Variants in EXOC6B observed in about 807,000 individuals in gnomAD.
EXOC6B encodes exocyst complex component 6B.
Under a neutral mutation model 113.5 loss-of-function variants are expected in EXOC6B, and 54 were observed. The ratio of observed to expected loss-of-function variants is 0.48; its 90% CI spans 0.38 to 0.60. The LOEUF (loss-of-function observed/expected upper bound fraction) is 0.60. EXOC6B is among the 20% of genes least tolerant of loss of function. The pLI is 0.00. For missense variants in EXOC6B, 797 were observed against 977.5 expected (o/e 0.82, Z 2.46); for synonymous variants, 357 against 339.0 (o/e 1.05, Z -0.58).
At chr2:72,533,099 GC>G (rs1702101879) in intron 8 of EXOC6B, among the ~76,000 whole-genome samples, 1 of 152,132 alleles carries the variant, frequency 6.6e-6, no homozygotes, top group African/African-American at 2.4e-5. Context: ...GGAAATTTTT[GC>G]TCTTTTCTGA....
chr2:72,818,010 C>T (rs982145116), intron 1 of EXOC6B, among the ~76,000 whole-genome samples: 20 of 152,090 alleles, frequency 1.3e-4, no homozygotes, highest in African/African-American at 4.8e-4. Context: ...CTCGCTCTGT[C>T]GCCCAGGCTG....
At chr2:72,450,038 A>G (rs772314182) in intron 18 of EXOC6B, among the ~76,000 whole-genome samples, 2 of 152,230 alleles carry the variant, frequency 1.3e-5, no homozygotes, top group Non-Finnish European at 2.9e-5. Context: ...CAGCAAATTA[A>G]TAAGGGTCAG....
intron 6 of EXOC6B, among the ~76,000 whole-genome samples, chr2:72,596,094 G>T (rs1670064862): frequency 6.6e-6 from 1 of 152,158 alleles, no homozygotes; most frequent in East Asian, 1.9e-4. Context: ...CAGGAAGAAT[G>T]AGTTCTAAAA....
intron 20 of EXOC6B, among the ~76,000 whole-genome samples, chr2:72,217,604 C>T (rs1680619279): frequency 6.6e-6 from 1 of 152,132 alleles, no homozygotes; most frequent in Non-Finnish European, 1.5e-5. Flanking sequence ...AAACAGGGGC[C>T]CTCCTTGTTC....
At chr2:72,359,603 A>G (rs1690179531) in intron 19 of EXOC6B, among the ~76,000 whole-genome samples, 1 of 152,230 alleles carries the variant, frequency 6.6e-6, no homozygotes. Flanking sequence ...TAATTAAGAC[A>G]GATTATTATT....
rs568503862 is a variant in EXOC6B at position 72,315,892 on chromosome 2, T to C, written c.2196+19055A>G. Among the ~76,000 whole-genome samples the C allele has an allele frequency of 3.3e-5, 5 of 152,312 alleles. No individual in the cohort carries two copies. In the South Asian group the frequency reaches 1.0e-3, roughly 32 times the overall value. On this transcript the variant is annotated intron_variant, in intron 20 of 21. Coordinates refer to ENST00000272427, the MANE Select transcript of EXOC6B (RefSeq NM_015189.3). ...ATCATAACTGATGAAGATAATTATA[T>C]TTCTAGCATACAGAATAAGGCTATG...
chr2:72,677,085 A>G (rs1340064105), intron 6 of EXOC6B, among the ~76,000 whole-genome samples: 1 of 152,222 alleles, frequency 6.6e-6, no homozygotes, highest in East Asian at 1.9e-4. Context: ...TCTTAGTAGC[A>G]GAATGTCTTT....
At chr2:72,616,366 T>C (rs1671385456) in intron 6 of EXOC6B, among the ~76,000 whole-genome samples, 1 of 152,186 alleles carries the variant, frequency 6.6e-6, no homozygotes, top group Non-Finnish European at 1.5e-5. Flanking sequence ...TGACACTACC[T>C]AACTTCAAAA....
chr2:72,815,162 A>T (rs1320592389), intron 1 of EXOC6B, among the ~76,000 whole-genome samples: 1 of 151,780 alleles, frequency 6.6e-6, no homozygotes, highest in African/African-American at 2.4e-5. Flanking sequence ...ATAACCATCA[A>T]AGGTTTTTTA....
chr2:72,743,731 T>C (rs1681506366), intron 1 of EXOC6B, among the ~76,000 whole-genome samples: 1 of 152,192 alleles, frequency 6.6e-6, no homozygotes. Context: ...CTCTAAGGAC[T>C]CTTTGATTTC....
chr2:72,454,539 A>G (rs998900095), intron 18 of EXOC6B, among the ~76,000 whole-genome samples: 1 of 152,144 alleles, frequency 6.6e-6, no homozygotes. Context: ...ATAGAAAAAG[A>G]AAAGGAAATC....
intron 5 of EXOC6B, among the ~76,000 whole-genome samples, chr2:72,719,721 C>A (rs1679873252): frequency 6.6e-6 from 1 of 152,106 alleles, no homozygotes; most frequent in Non-Finnish European, 1.5e-5. Context: ...AAATATGATA[C>A]CTTGCTAGAT....
intron 2 of EXOC6B, among the ~76,000 whole-genome samples, chr2:72,739,787 T>C (rs528902661): frequency 2.6e-5 from 4 of 152,078 alleles, no homozygotes; most frequent in South Asian, 4.1e-4. Context: ...ACCTCTAGAG[T>C]AGAGAAAGCA....
At chr2:72,822,759 G>C (rs778453001) in intron 1 of EXOC6B, among the ~76,000 whole-genome samples, 1 of 151,980 alleles carries the variant, frequency 6.6e-6, no homozygotes, top group Non-Finnish European at 1.5e-5. Flanking sequence ...CCCATCTCAC[G>C]AACAGTTAAG....
chr2:72,595,262 A>AAT (rs917310250), intron 6 of EXOC6B, among the ~76,000 whole-genome samples: 8 of 147,616 alleles, frequency 5.4e-5, no homozygotes, highest in East Asian at 2.0e-4. Context: ...TTCTGTCTCA[A>AAT]ATATATATAT....
intron 8 of EXOC6B, among the ~76,000 whole-genome samples, chr2:72,546,888 A>T (rs1259151686): frequency 6.6e-6 from 1 of 152,224 alleles, no homozygotes; most frequent in East Asian, 1.9e-4. Flanking sequence ...ACAAGGAGAT[A>T]CTCAAATGGA....
At chr2:72,248,051 C>T (rs750092386) in intron 20 of EXOC6B, among the ~76,000 whole-genome samples, 4 of 152,146 alleles carry the variant, frequency 2.6e-5, no homozygotes, top group African/African-American at 4.8e-5. Flanking sequence ...CAAGGTTATG[C>T]TCTGGGATAT....
chr2:72,289,124 T>A, intron 20 of EXOC6B: 1 of 259,166 alleles, frequency 3.9e-6, no homozygotes, highest in Non-Finnish European at 7.5e-6. Flanking sequence ...AGAGATGTAA[T>A]ACATATTTAC....
At chr2:72,617,023 A>C (rs1391640310) in intron 6 of EXOC6B, among the ~76,000 whole-genome samples, 1 of 152,130 alleles carries the variant, frequency 6.6e-6, no homozygotes, top group African/African-American at 2.4e-5. Context: ...AATGAGAGAA[A>C]TTGGCCAAAA....
Sources: allele counts gnomAD v4.1 joint callset (sites outside exome capture counted in the v4.1 genomes callset), GRCh38; gene constraint gnomAD v4.1.1; transcripts MANE v1.5; gene names NCBI Gene and HGNC (gene_info 2026-07-23, HGNC 2026-07-21).